Variants in ATE1 observed in about 807,000 individuals in gnomAD.
ATE1 encodes arginyltransferase 1, also known as arginyl-tRNA--protein transferase 1.
In ATE1, 36 loss-of-function variants were observed where a neutral mutation model predicts 70.5. The ratio of observed to expected loss-of-function variants is 0.51; its 90% confidence interval spans 0.39 to 0.67. The LOEUF (loss-of-function observed/expected upper bound fraction) is 0.67, where lower values mean the gene tolerates loss of function less well. Among genes scored for constraint, ATE1 ranks in the 30% least tolerant of loss-of-function variants. The pLI, the probability that ATE1 is intolerant of heterozygous loss-of-function variation, is 0.00. For missense variants in ATE1, 593 were observed against 629.5 expected (o/e 0.94, Z 0.62); for synonymous variants, 232 against 219.3 (o/e 1.06, Z -0.51).
At chr10:121,759,153 G>A (rs1944928918) in intron 11 of ATE1, among the ~76,000 whole-genome samples, 1 of 152,080 alleles carries the variant, frequency 6.6e-6, no homozygotes, top group East Asian at 1.9e-4. Flanking sequence ...AAATACAAAA[G>A]AAAAGTTCTT....
intron 11 of ATE1, among the ~76,000 whole-genome samples, chr10:121,749,396 G>A (rs1023893985): frequency 2.0e-5 from 3 of 151,946 alleles, no homozygotes; most frequent in South Asian, 4.1e-4. Flanking sequence ...CTTTTCTCAC[G>A]TGAAAAACCC....
intron 11 of ATE1, among the ~76,000 whole-genome samples, chr10:121,770,949 G>A (rs955295999): frequency 5.3e-5 from 8 of 152,076 alleles, no homozygotes; most frequent in African/African-American, 1.7e-4. Flanking sequence ...TCACATGAGC[G>A]AACGAAACCA....
At chr10:121,907,770 A>G (rs935958416) in intron 5 of ATE1, among the ~76,000 whole-genome samples, 3 of 144,492 alleles carry the variant, frequency 2.1e-5, no homozygotes, top group African/African-American at 5.2e-5. Context: ...CTCCGTCTCG[A>G]AAAAAAAAAA....
chr10:121,903,020 C>T (rs576238041), intron 5 of ATE1, among the ~76,000 whole-genome samples: 5 of 145,352 alleles, frequency 3.4e-5, no homozygotes, highest in Non-Finnish European at 7.6e-5. Context: ...TGTGTGCCAC[C>T]GTGCCTGGCT....
chr10:121,862,959 C>T (rs1388264243), intron 8 of ATE1, among the ~76,000 whole-genome samples: 1 of 152,096 alleles, frequency 6.6e-6, no homozygotes, highest in Admixed American at 6.5e-5. Flanking sequence ...ATACATATAG[C>T]TAGCCAACAC....
At chr10:121,775,390 G>A (rs909145332) in intron 11 of ATE1, among the ~76,000 whole-genome samples, 1 of 151,944 alleles carries the variant, frequency 6.6e-6, no homozygotes, top group African/African-American at 2.4e-5. Context: ...CTAGTTGAAG[G>A]GTCGATAGGT....
chr10:121,875,709 C>A (rs1178555774), intron 7 of ATE1, among the ~76,000 whole-genome samples: 1 of 152,162 alleles, frequency 6.6e-6, no homozygotes, highest in Non-Finnish European at 1.5e-5. Context: ...AAAACGATTC[C>A]ATGGCCACGT....
chr10:121,779,664 C>G (rs1245337507), intron 11 of ATE1, among the ~76,000 whole-genome samples: 1 of 152,156 alleles, frequency 6.6e-6, no homozygotes, highest in Non-Finnish European at 1.5e-5. Flanking sequence ...TTTCCTTTCC[C>G]TGACCTCCCT....
At chr10:121,758,962 GCCTC>G (rs148901100) in intron 11 of ATE1, among the ~76,000 whole-genome samples, 5,809 of 151,958 alleles carry the variant, frequency 0.038, 381 homozygotes, top group African/African-American at 0.13. Context: ...CTCTCCTTGG[GCCTC>G]CCTATTTCCT....
At chr10:121,897,117 G>T (rs1950810928) in intron 7 of ATE1, among the ~76,000 whole-genome samples, 1 of 152,046 alleles carries the variant, frequency 6.6e-6, no homozygotes, top group Non-Finnish European at 1.5e-5. Flanking sequence ...CTAATCCAAT[G>T]GCTAATTCTA....
intron 7 of ATE1, among the ~76,000 whole-genome samples, chr10:121,888,323 G>A (rs1048766688): frequency 2.0e-5 from 3 of 152,122 alleles, no homozygotes; most frequent in African/African-American, 4.8e-5. Flanking sequence ...GAACCTGGGA[G>A]GCAGAGCTTG....
intron 10 of ATE1, among the ~76,000 whole-genome samples, chr10:121,818,521 T>C (rs990360739): frequency 2.6e-5 from 4 of 152,106 alleles, no homozygotes; most frequent in Admixed American, 2.0e-4. Flanking sequence ...CACACAAAAC[T>C]GTGGCATCAA....
chr10:121,842,003 A>G (rs1215960718), intron 8 of ATE1, among the ~76,000 whole-genome samples: 1 of 152,214 alleles, frequency 6.6e-6, no homozygotes, highest in African/African-American at 2.4e-5. Context: ...GGAACATAAA[A>G]GAAAAGGGTG....
At chr10:121,906,528 C>CAAAAT (rs372290142) in intron 5 of ATE1, among the ~76,000 whole-genome samples, 23 of 145,938 alleles carry the variant, frequency 1.6e-4, no homozygotes, top group South Asian at 2.2e-4. Flanking sequence ...GACCCTGTCT[C>CAAAAT]AAAATAAAAT....
chr10:121,749,150 A>T (rs562206154), intron 11 of ATE1, among the ~76,000 whole-genome samples: 3 of 152,196 alleles, frequency 2.0e-5, no homozygotes, highest in African/African-American at 7.2e-5. Context: ...CTTCCTTCAA[A>T]CCTAACTGCT....
At chr10:121,823,120 C>G (rs888176275) in intron 10 of ATE1, among the ~76,000 whole-genome samples, 1 of 152,046 alleles carries the variant, frequency 6.6e-6, no homozygotes, top group African/African-American at 2.4e-5. Context: ...GCAACCCCAT[C>G]TCTACTAAAA....
chr10:121,756,017 G>A (rs1436541646), intron 11 of ATE1, among the ~76,000 whole-genome samples: 5 of 152,104 alleles, frequency 3.3e-5, no homozygotes, highest in Admixed American at 3.3e-4. Context: ...TCTGAGACAA[G>A]GCAAGTCCCT....
intron 11 of ATE1, among the ~76,000 whole-genome samples, chr10:121,747,173 G>C (rs561757110): frequency 7.2e-5 from 11 of 152,356 alleles, no homozygotes; most frequent in African/African-American, 2.4e-4. Context: ...CCACAGAACT[G>C]AGTGCCATTG....
At position 121,741,231 on chromosome 10, in the gene ATE1, C is replaced by T. The variant is rs1299021706; in HGVS notation, c.*2449G>A. ...GGTCACTTTTCTTGACTATGCTTTT[C>T]TAGTCCACTATCAGTATTCACTCAG... On this transcript the variant is annotated 3_prime_UTR_variant, in exon 12 of 12. Transcript: ENST00000224652. 6.6e-6 allele frequency: 1 copy of T among 152,212 alleles called. No homozygotes were observed. Among genetic ancestry groups the T allele is most frequent in the Non-Finnish European group, 1.5e-5 (1 of 68,030 alleles). 9.4% of individuals were successfully genotyped at this position (152,212 alleles called of 1,614,324 possible).
Sources: allele counts gnomAD v4.1 joint callset (sites outside exome capture counted in the v4.1 genomes callset), GRCh38; gene constraint gnomAD v4.1.1; transcripts MANE v1.5; gene names NCBI Gene and HGNC (gene_info 2026-07-23, HGNC 2026-07-21).